PAPPA: variants seen among roughly 807,000 people sequenced by gnomAD.
PAPPA encodes the protein pappalysin 1.
Under a neutral mutation model 164.0 loss-of-function variants are expected in PAPPA, and 60 were observed. That is an observed-to-expected ratio of 0.37 (90% CI 0.30 to 0.45). The LOEUF (loss-of-function observed/expected upper bound fraction) is 0.45. Ranked by LOEUF, PAPPA falls within the 20% of genes least tolerant of loss-of-function variation. The pLI, the probability that PAPPA is intolerant of heterozygous loss-of-function variation, is 1.00. For synonymous variants in PAPPA, 875 were observed against 814.1 expected, an observed-to-expected ratio of 1.07 and a Z score of -1.27; for missense variants, 1,782 against 2,087.3, an observed-to-expected ratio of 0.85 and a Z score of 2.85.
chr9:116,273,188 C>T (rs537542125), intron 9 of PAPPA, among the ~76,000 whole-genome samples: 2 of 152,228 alleles, frequency 1.3e-5, no homozygotes, highest in African/African-American at 4.8e-5. Context: ...GAAAGAGATG[C>T]TTGAGCCTTG....
At chr9:116,202,809 G>A (rs981368637) in intron 2 of PAPPA, among the ~76,000 whole-genome samples, 1 of 151,906 alleles carries the variant, frequency 6.6e-6, no homozygotes, top group Non-Finnish European at 1.5e-5. Flanking sequence ...CATATTTGAG[G>A]CTCCAAAAAT....
chr9:116,254,244 G>T (rs1427567108), intron 7 of PAPPA, among the ~76,000 whole-genome samples: 1 of 152,096 alleles, frequency 6.6e-6, no homozygotes, highest in African/African-American at 2.4e-5. Context: ...GTTCATCTTT[G>T]CATCCCAGAA....
chr9:116,219,877 C>G, intron 4 of PAPPA, 60 bp from the exon 5 acceptor site: 1 of 1,414,902 alleles, frequency 7.1e-7, no homozygotes, highest in Non-Finnish European at 9.7e-7. Context: ...CGTCATTACT[C>G]TCTCATATGC....
At chr9:116,323,545 A>G (rs1845885650) in intron 10 of PAPPA, among the ~76,000 whole-genome samples, 1 of 152,090 alleles carries the variant, frequency 6.6e-6, no homozygotes, top group Admixed American at 6.5e-5. Context: ...CAGACACAAA[A>G]AGAAAGAAAG....
chr9:116,265,869 T>C lies in PAPPA; in HGVS notation c.2745T>C (p.Leu915=). The change falls in exon 8 of 22, where the codon CTT becomes CTC. Residue 915 remains leucine, a synonymous_variant. Transcript: ENST00000328252. ...TTGTATTTTCCAGGGATCTAAATCTTGGCAGTGTGTACCAGTATTGGGTCA... is the reference window on the plus strand; with the variant it reads ...TTGTATTTTCCAGGGATCTAAATCTCGGCAGTGTGTACCAGTATTGGGTCA... ...NRKFVDMDLN[L]GSVYQYWVIT... The C allele has an allele frequency of 6.2e-7, 1 of 1,601,828 alleles. No homozygotes were observed. Among genetic ancestry groups the C allele is most frequent in the South Asian group, 1.1e-5 (1 of 90,350 alleles).
intron 17 of PAPPA, among the ~76,000 whole-genome samples, chr9:116,360,285 G>A (rs1260279938): frequency 1.3e-5 from 2 of 152,230 alleles, no homozygotes; most frequent in African/African-American, 4.8e-5. Flanking sequence ...TGGGCTCTTT[G>A]AAGCCACATG....
chr9:116,297,200 A>G (rs1328189234), intron 9 of PAPPA, among the ~76,000 whole-genome samples: 3 of 152,208 alleles, frequency 2.0e-5, no homozygotes, highest in African/African-American at 7.2e-5. Context: ...AAGGAGGGGC[A>G]TGGTAAGATT....
intron 9 of PAPPA, among the ~76,000 whole-genome samples, chr9:116,276,719 A>T (rs1587983152): frequency 6.8e-6 from 1 of 148,078 alleles, no homozygotes; most frequent in African/African-American, 2.5e-5. Flanking sequence ...CTCCCTCCCC[A>T]CTCCTCTTCT....
intron 1 of PAPPA, among the ~76,000 whole-genome samples, chr9:116,175,782 G>C (rs368711811): frequency 6.6e-6 from 1 of 152,094 alleles, no homozygotes; most frequent in Admixed American, 6.5e-5. Flanking sequence ...GCTTACAGTC[G>C]AGTGGGGGAG....
chr9:116,370,793 G>A (rs1279979771), intron 19 of PAPPA, among the ~76,000 whole-genome samples: 1 of 152,208 alleles, frequency 6.6e-6, no homozygotes, highest in African/African-American at 2.4e-5. Flanking sequence ...TGAGATCACA[G>A]GTCATGATGT....
chr9:116,218,027 A>G (rs1015791714), intron 4 of PAPPA, among the ~76,000 whole-genome samples: 3 of 152,174 alleles, frequency 2.0e-5, no homozygotes, highest in Non-Finnish European at 2.9e-5. Context: ...CGGTCTGAGG[A>G]CTTTTTCCTT....
At chr9:116,298,228 TG>T (rs751489331) in intron 9 of PAPPA, among the ~76,000 whole-genome samples, 12 of 152,194 alleles carry the variant, frequency 7.9e-5, no homozygotes, top group Non-Finnish European at 1.3e-4. Context: ...TCCAGATAAA[TG>T]AAAATAAGTC....
intron 7 of PAPPA, among the ~76,000 whole-genome samples, chr9:116,237,548 A>G (rs1844682963): frequency 6.6e-6 from 1 of 152,174 alleles, no homozygotes; most frequent in African/African-American, 2.4e-5. Flanking sequence ...TGAAAATTAA[A>G]CTGAATAAAT....
At position 116,259,362 on chromosome 9, in the gene PAPPA, A is replaced by C. The variant is rs1186490436; in HGVS notation, c.2733-6495A>C. 7.9e-5 allele frequency among the ~76,000 whole-genome samples: 12 copies of C among 152,170 alleles called. No homozygotes were observed. In the East Asian group the frequency reaches 2.3e-3, roughly 29 times the overall value. On this transcript the variant is annotated intron_variant, in intron 7 of 21. Transcript: ENST00000328252. ...AGCAGCATAAACATAATGAAAAATTAGGAGTCATAGACCATGAAATGGTAT... is the reference window on the plus strand; with the variant it reads ...AGCAGCATAAACATAATGAAAAATTCGGAGTCATAGACCATGAAATGGTAT...
chr9:116,230,022 G>C (rs1844569994), intron 6 of PAPPA, among the ~76,000 whole-genome samples: 1 of 152,156 alleles, frequency 6.6e-6, no homozygotes, highest in African/African-American at 2.4e-5. Flanking sequence ...CTCCTAGTTT[G>C]TTCCTGACCT....
At chr9:116,336,028 A>G (rs1160662749) in intron 13 of PAPPA, among the ~76,000 whole-genome samples, 1 of 152,170 alleles carries the variant, frequency 6.6e-6, no homozygotes, top group Non-Finnish European at 1.5e-5. Context: ...AGCTTCAGAG[A>G]TTATCTCATG....
At chr9:116,266,042 GT>G in intron 8 of PAPPA, 57 bp downstream of exon 8, 1 of 1,492,680 alleles carries the variant, frequency 6.7e-7, no homozygotes, top group Non-Finnish European at 9.2e-7. Flanking sequence ...TCAAGAGATG[GT>G]TAGGGTGCTG....
chr9:116,187,945 T>C lies in PAPPA; in HGVS notation c.1207T>C (p.Ser403Pro). Residue 403 changes from serine (S) to proline (P), a missense_variant, in exon 2 of 22, where the codon TCC becomes CCC. This residue lies in a region of PAPPA where 1,324 missense variants were observed against 1,656.9 expected (regional missense o/e 0.80). Transcript: ENST00000328252. This position sits in a 1 kb window ranked among gnomAD's most constrained non-coding sequence, Gnocchi z 4.2. ...WELDVLEVSN[S>P]SLRRRLILAN... Reference sequence around the variant, plus strand: ...GCTGGACGTGCTGGAGGTGAGCAACTCCTCCCTTCGCCGCCGCCTCATCCT... The same window carrying C: ...GCTGGACGTGCTGGAGGTGAGCAACCCCTCCCTTCGCCGCCGCCTCATCCT... 4.3e-6 allele frequency: 7 copies of C among 1,614,086 alleles called. No homozygotes were observed. Among genetic ancestry groups the C allele is most frequent in the Non-Finnish European group, 5.9e-6 (7 of 1,180,022 alleles).
intron 2 of PAPPA, among the ~76,000 whole-genome samples, chr9:116,204,602 G>T (rs958768175): frequency 6.6e-6 from 1 of 151,906 alleles, no homozygotes; most frequent in Admixed American, 6.6e-5. Flanking sequence ...TTTTTGTAAA[G>T]ATGGGATCTC....
Sources: gnomAD v4.1 joint callset for allele counts (sites outside exome capture counted in the v4.1 genomes callset) on GRCh38, gnomAD v4.1.1 for gene constraint, gnomAD v4.1.1 regional missense constraint, Gnocchi (gnomAD v3.1) non-coding constraint, MANE v1.5 for transcripts, NCBI Gene and HGNC (gene_info 2026-07-23, HGNC 2026-07-21) for gene names.